The following NIT2 variants were observed in gnomAD, a reference collection of about 807,000 sequenced individuals.
The protein encoded by NIT2 is omega-amidase NIT2.
In NIT2, 46 loss-of-function variants were observed where a neutral mutation model predicts 42.7. The ratio of observed to expected loss-of-function variants is 1.08; its 90% CI spans 0.85 to 1.38. The LOEUF is 1.38. NIT2 is among the 40% of genes most tolerant of loss of function. The pLI is 0.00. For synonymous variants in NIT2, 123 were observed against 121.9 expected, an observed-to-expected ratio of 1.01 and a Z score of -0.06; for missense variants, 309 against 342.5, an observed-to-expected ratio of 0.90 and a Z score of 0.77.
Position 100,356,602 on chromosome 3 carries a change from C to T in NIT2, c.*1334C>T, listed in dbSNP as rs1216974575. On this transcript the variant is annotated 3_prime_UTR_variant, in exon 10 of 10. Coordinates refer to ENST00000394140, the MANE Select transcript of NIT2 (RefSeq NM_020202.5). ...GGAAAACAACACTGTGTACTGAGAA[C>T]AAGAGAAAGACAAATGACTTTTTTA... 4 of 152,100 alleles carry T rather than the reference C, an allele frequency of 2.6e-5. No individual in the cohort carries two copies. Among genetic ancestry groups the T allele is most frequent in the African/African-American group, 9.7e-5 (4 of 41,420 alleles). The allele number at this position is 152,100 out of a possible 1,614,324, so 9.4% of individuals were successfully genotyped here. A position where few individuals can be genotyped will look rare whatever the true frequency, so the allele number is the denominator to read the frequency against.
intron 3 of NIT2, among the ~76,000 whole-genome samples, chr3:100,340,161 AC>A (rs1414184613): frequency 2.0e-5 from 3 of 152,032 alleles, no homozygotes; most frequent in African/African-American, 7.3e-5. Flanking sequence ...GCCTCACCCT[AC>A]GAGGCTCAAG....
intron 1 of NIT2, among the ~76,000 whole-genome samples, chr3:100,336,883 C>T (rs936196178): frequency 2.0e-5 from 3 of 152,166 alleles, no homozygotes; most frequent in Admixed American, 6.5e-5. Context: ...TTACGGGTGT[C>T]GGGCTGGGGG....
intron 8 of NIT2, among the ~76,000 whole-genome samples, chr3:100,353,778 T>TTTC (rs5851204): frequency 2.6e-4 from 3 of 11,492 alleles, no homozygotes; most frequent in Non-Finnish European, 2.9e-4. Flanking sequence ...TTCTTTTTTC[T>TTTC]TTTTTTTTTT....
chr3:100,343,628 A>G (rs1576200202), intron 4 of NIT2, among the ~76,000 whole-genome samples: 1 of 152,166 alleles, frequency 6.6e-6, no homozygotes, highest in East Asian at 1.9e-4. Context: ...TACAGTGTTG[A>G]GCTTAGTTAG....
At chr3:100,343,220 G>A (rs544857651) in intron 4 of NIT2, among the ~76,000 whole-genome samples, 3 of 151,688 alleles carry the variant, frequency 2.0e-5, no homozygotes, top group East Asian at 1.9e-4. Flanking sequence ...GCCTTCCTTG[G>A]TACTTCTTGA....
rs114147401 is a variant in NIT2 at position 100,337,295 on chromosome 3, A to C, written c.8-1792A>C. Among the ~76,000 whole-genome samples, 229 of 152,268 alleles carry C rather than the reference A, an allele frequency of 1.5e-3. 1 individual carries two copies. The highest frequency in any genetic ancestry group is 5.1e-3 in the African/African-American group (210 of 41,558). On this transcript the variant is annotated intron_variant, in intron 1 of 9. Transcript: ENST00000394140. ...ATCGCTCTTTCTTTTCCCTACACTA[A>C]TAATTCCTGAAGTTTTGCAGAGCTT...
In NIT2 at chr3:100,361,535, C is replaced by T. The variant is rs2148886720; in HGVS notation, c.*6267C>T. ...TCTATCCCAGTGATCAGCAGGCCCT[C>T]CAGCATGAAGACCTTTGAGAAGGAT... On this transcript the variant is annotated 3_prime_UTR_variant, in exon 10 of 10. Transcript: ENST00000394140. The T allele has an allele frequency of 6.6e-6, 1 of 152,364 alleles. No homozygotes were observed. The highest frequency in any genetic ancestry group is 1.5e-5 in the Non-Finnish European group (1 of 68,068). The allele number at this position is 152,364 out of a possible 1,614,324, so 9.4% of individuals were successfully genotyped here.
Position 100,341,097 on chromosome 3 carries a change from G to C in NIT2, c.272G>C (p.Gly91Ala). 6.2e-7 allele frequency: 1 copy of C among 1,613,314 alleles called. No homozygotes were observed. Among genetic ancestry groups the C allele is most frequent in the South Asian group, 1.1e-5 (1 of 91,060 alleles). ...GGCTCTATCCCTGAAGAGGATGCTG[G>C]GAAATTATATAACACCTGTGCTGTG... Reference protein sequence around the residue: ...IGGSIPEEDAGKLYNTCAVFG... With the variant: ...IGGSIPEEDAAKLYNTCAVFG... Residue 91 changes from glycine (G) to alanine (A), a missense_variant, in exon 4 of 10, where the codon GGG becomes GCG. Coordinates refer to ENST00000394140, the MANE Select transcript of NIT2 (RefSeq NM_020202.5).
At chr3:100,353,413 T>C (rs1335477077) in intron 8 of NIT2, among the ~76,000 whole-genome samples, 1 of 152,172 alleles carries the variant, frequency 6.6e-6, no homozygotes, top group Non-Finnish European at 1.5e-5. Context: ...ATGTGTGTGG[T>C]GGGGAGGCCT....
At chr3:100,341,657 C>T (rs1193460379) in intron 4 of NIT2, among the ~76,000 whole-genome samples, 3 of 152,060 alleles carry the variant, frequency 2.0e-5, no homozygotes, top group African/African-American at 2.4e-5. Flanking sequence ...CATGAGCCAC[C>T]GTGCCCAGCC....
intron 9 of NIT2, 25 bp from the exon 10 acceptor site, chr3:100,355,152 T>C (rs1282956895): frequency 5.1e-6 from 8 of 1,567,378 alleles, no homozygotes; most frequent in South Asian, 1.1e-5. Context: ...AAATTATTAA[T>C]AGTGCACTTT....
At chr3:100,337,789 G>A (rs1027119821) in intron 1 of NIT2, among the ~76,000 whole-genome samples, 2 of 152,202 alleles carry the variant, frequency 1.3e-5, no homozygotes, top group Non-Finnish European at 1.5e-5. Flanking sequence ...CTGGCCAGGC[G>A]TGGTGGCTCA....
intron 4 of NIT2, among the ~76,000 whole-genome samples, chr3:100,342,897 A>G (rs78603914): frequency 0.013 from 2,003 of 152,112 alleles, 21 homozygotes; most frequent in Non-Finnish European, 0.021. Flanking sequence ...CTCATTTAGA[A>G]TTTTTGTTCT....
intron 6 of NIT2, among the ~76,000 whole-genome samples, chr3:100,346,910 C>G (rs1295958697): frequency 6.6e-6 from 1 of 152,076 alleles, no homozygotes; most frequent in African/African-American, 2.4e-5. Context: ...AATGGTTTGA[C>G]TGCCTGCTCA....
intron 4 of NIT2, among the ~76,000 whole-genome samples, chr3:100,342,547 G>T (rs1576199856): frequency 1.3e-5 from 2 of 148,702 alleles, no homozygotes; most frequent in African/African-American, 2.5e-5. Context: ...TTGTTGCCCT[G>T]GGAATTATCA....
chr3:100,337,333 T>C (rs2148880305), intron 1 of NIT2, among the ~76,000 whole-genome samples: 1 of 152,340 alleles, frequency 6.6e-6, no homozygotes, highest in African/African-American at 2.4e-5. Flanking sequence ...TAGATTATAA[T>C]GTGCTTTGGA....
rs1706324935 is a variant in NIT2, at chr3:100,356,316, G to A, written c.*1048G>A. ...TTTCATGGTGTAAATACTTAACCAT[G>A]GCTGAGTTTGAGCTATCTGCATGAC... is the stretch of plus-strand genomic sequence containing the variant. On this transcript the variant is annotated 3_prime_UTR_variant, in exon 10 of 10. Coordinates refer to ENST00000394140, the MANE Select transcript of NIT2 (RefSeq NM_020202.5). The A allele has an allele frequency of 6.6e-6, 1 of 152,200 alleles. No individual in the cohort carries two copies. The highest frequency in any genetic ancestry group is 6.5e-5 in the Admixed American group (1 of 15,284). 9.4% of individuals were successfully genotyped at this position (152,200 alleles called of 1,614,324 possible). A position where few individuals can be genotyped will look rare whatever the true frequency, so the allele number is the denominator to read the frequency against.
At chr3:100,347,296 G>A (rs142198353) in intron 6 of NIT2, among the ~76,000 whole-genome samples, 66 of 152,180 alleles carry the variant, frequency 4.3e-4, no homozygotes, top group Non-Finnish European at 7.1e-4. Flanking sequence ...GGGTTTCACC[G>A]TGTTGGCCAG....
chr3:100,358,339 C>A lies in NIT2; in HGVS notation c.*3071C>A, dbSNP rs1214789410. ...GAGTGGAAGAACATTGCAGTTGAGGCCTTGGGTAAGTTTTAACTGCCATAC... is the reference window on the plus strand; with the variant it reads ...GAGTGGAAGAACATTGCAGTTGAGGACTTGGGTAAGTTTTAACTGCCATAC... On this transcript the variant is annotated 3_prime_UTR_variant, in exon 10 of 10. Transcript: ENST00000394140. The A allele has an allele frequency of 2.0e-5, 3 of 152,146 alleles. No homozygotes were observed. Among genetic ancestry groups the A allele is most frequent in the Non-Finnish European group, 4.4e-5 (3 of 68,010 alleles). The allele number at this position is 152,146 out of a possible 1,614,324, so 9.4% of individuals were successfully genotyped here.
Sources: gnomAD v4.1 joint callset for allele counts (sites outside exome capture counted in the v4.1 genomes callset) on GRCh38, gnomAD v4.1.1 for gene constraint, MANE v1.5 for transcripts, NCBI Gene and HGNC (gene_info 2026-07-23, HGNC 2026-07-21) for gene names.